KLHL13: variants seen among roughly 807,000 people sequenced by gnomAD.
The protein encoded by KLHL13 is kelch like family member 13.
KLHL13 carries 10 observed loss-of-function variants against 37.1 expected under a neutral mutation model. That is an observed-to-expected ratio of 0.27 (90% CI 0.17 to 0.46). The LOEUF is 0.46. KLHL13 is among the 20% of genes least tolerant of loss of function. The pLI is 1.00. For missense variants in KLHL13, 360 were observed against 509.3 expected (o/e 0.71, Z 2.82); for synonymous variants, 163 against 181.2 (o/e 0.90, Z 0.81).
rs139958434 is a variant in KLHL13 at position 118,096,527 on chromosome X, C to G, written c.-56+19981G>C. Among the ~76,000 whole-genome samples the G allele has an allele frequency of 9.0e-5, 10 of 111,103 alleles. No homozygotes were observed. In the Admixed American group the frequency reaches 9.6e-4, roughly 11 times the overall value. On this transcript the variant is annotated intron_variant, in intron 1 of 6. Transcript: ENST00000371882. ...AAGGAGGAGCTGGTACCATTCCTTC[C>G]GAAACTATTCCAATCAATAGAAAAA...
chrX:118,029,721 C>A (rs544282289), intron 1 of KLHL13, among the ~76,000 whole-genome samples: 3 of 111,885 alleles, frequency 2.7e-5, no homozygotes, highest in Non-Finnish European at 5.6e-5. Flanking sequence ...ATAATCCCAG[C>A]ACTTTGGGAT....
intron 1 of KLHL13, among the ~76,000 whole-genome samples, chrX:118,080,048 T>A (rs897612155): frequency 9.0e-6 from 1 of 111,578 alleles, no homozygotes. Context: ...CCCTATTCAA[T>A]AAATGGTGCT....
At chrX:118,062,919 C>G (rs935380849) in intron 1 of KLHL13, among the ~76,000 whole-genome samples, 3 of 110,916 alleles carry the variant, frequency 2.7e-5, no homozygotes, top group Non-Finnish European at 5.7e-5. Context: ...GACTAAACAG[C>G]AAACAGAACT....
chrX:117,916,123 A>T (rs1281718947), intron 4 of KLHL13, among the ~76,000 whole-genome samples: 1 of 110,327 alleles, frequency 9.1e-6, no homozygotes, highest in Non-Finnish European at 1.9e-5. Flanking sequence ...CTGCCATTGC[A>T]CTCCAGCCTG....
intron 1 of KLHL13, among the ~76,000 whole-genome samples, chrX:118,106,189 G>T (rs1261621627): frequency 1.8e-5 from 2 of 108,281 alleles, no homozygotes; most frequent in South Asian, 8.1e-4. Context: ...GAGCCACCGC[G>T]CCCGGCCAAG....
intron 1 of KLHL13, among the ~76,000 whole-genome samples, chrX:118,069,109 TCACACACACA>T (rs771534683): frequency 6.0e-5 from 5 of 83,999 alleles, no homozygotes; most frequent in Admixed American, 2.6e-4. Flanking sequence ...TCCAGAAGAG[TCACACACACA>T]CACACACACA....
chrX:118,032,277 C>A (rs1214200770), intron 1 of KLHL13, among the ~76,000 whole-genome samples: 2 of 112,437 alleles, frequency 1.8e-5, no homozygotes, highest in Admixed American at 9.3e-5. Flanking sequence ...CAGGCTCCAC[C>A]TCTGGGGGCA....
At chrX:117,908,929 T>C (rs748663349) in intron 5 of KLHL13, among the ~76,000 whole-genome samples, 1 of 112,266 alleles carries the variant, frequency 8.9e-6, no homozygotes, top group African/African-American at 3.2e-5. Context: ...ACCTGTTCAG[T>C]AAAATATCAT....
At chrX:118,095,967 GAGAA>G (rs1230682223) in intron 1 of KLHL13, among the ~76,000 whole-genome samples, 4 of 111,865 alleles carry the variant, frequency 3.6e-5, no homozygotes, top group Non-Finnish European at 7.5e-5. Context: ...ATGCCCAAAA[GAGAA>G]AGCAGGAAAG....
chrX:117,941,217 A>G (rs1164389157), intron 2 of KLHL13, among the ~76,000 whole-genome samples: 1 of 111,532 alleles, frequency 9.0e-6, no homozygotes, highest in Non-Finnish European at 1.9e-5. Flanking sequence ...GGTTTTTGTC[A>G]TTTGTTCTGT....
At chrX:118,081,939 A>G (rs1168354678) in intron 1 of KLHL13, among the ~76,000 whole-genome samples, 1 of 90,157 alleles carries the variant, frequency 1.1e-5, no homozygotes, top group African/African-American at 4.6e-5. Flanking sequence ...ATAGTATTCC[A>G]TTGTGTGTGT....
At chrX:118,036,740 A>G (rs2054447469) in intron 1 of KLHL13, among the ~76,000 whole-genome samples, 1 of 111,113 alleles carries the variant, frequency 9.0e-6, no homozygotes, top group Non-Finnish European at 1.9e-5. Flanking sequence ...AAAATTGACA[A>G]ATGGGATCTA....
intron 1 of KLHL13, among the ~76,000 whole-genome samples, chrX:118,111,387 T>A (rs1450659080): frequency 8.8e-6 from 1 of 113,091 alleles, no homozygotes; most frequent in Non-Finnish European, 1.9e-5. Context: ...TGCCACCACA[T>A]GAGTTTTGGC....
chrX:118,070,290 A>G (rs1179468765), intron 1 of KLHL13, among the ~76,000 whole-genome samples: 1 of 112,607 alleles, frequency 8.9e-6, no homozygotes, highest in African/African-American at 3.2e-5. Flanking sequence ...TGCACCTCAC[A>G]CGTTTTGCTA....
intron 1 of KLHL13, among the ~76,000 whole-genome samples, chrX:118,098,767 C>G (rs899871590): frequency 9.4e-6 from 1 of 105,933 alleles, no homozygotes; most frequent in African/African-American, 3.5e-5. Context: ...GAGTTCACGT[C>G]CTTTGTAGGG....
intron 1 of KLHL13, among the ~76,000 whole-genome samples, chrX:118,075,615 C>T (rs1411567945): frequency 9.0e-6 from 1 of 111,007 alleles, no homozygotes; most frequent in Non-Finnish European, 1.9e-5. Context: ...GGTGCAAGAC[C>T]TGCCATTACT....
chrX:118,079,277 AG>A (rs2054962924), intron 1 of KLHL13, among the ~76,000 whole-genome samples: 1 of 110,860 alleles, frequency 9.0e-6, no homozygotes, highest in Non-Finnish European at 1.9e-5. Context: ...AAAGATGTAT[AG>A]GAAGTCTAGC....
At chrX:118,039,425 G>A (rs754828386) in intron 1 of KLHL13, among the ~76,000 whole-genome samples, 64 of 112,123 alleles carry the variant, frequency 5.7e-4, no homozygotes, top group African/African-American at 2.0e-3. Context: ...TGAGCCTTGA[G>A]TGAACATCAC....
Position 117,972,761 on chromosome X carries a change from G to A in KLHL13, c.68C>T (p.Ser23Phe), listed in dbSNP as rs777066903. ...TGCTGGAGAAAGTGGAGTTGACCTG[G>A]ATGTTTTAAGCACAGGAACTGGGAA... The change falls in exon 1 of 7, where the codon TCC (serine) becomes TTC (phenylalanine). Residue 23 changes from serine to phenylalanine, a missense_variant. Around this residue, in one of 2 missense-constraint regions of KLHL13, gnomAD observed 194 missense variants for 225.0 expected, o/e 0.86. Transcript: ENST00000262820. 3 of 1,210,367 alleles carry A rather than the reference G, an allele frequency of 2.5e-6. No individual in the cohort carries two copies. In the Admixed American group the frequency reaches 6.5e-5, roughly 26 times the overall value.
Sources: allele counts gnomAD v4.1 joint callset (sites outside exome capture counted in the v4.1 genomes callset), GRCh38; gene constraint gnomAD v4.1.1; regional missense constraint gnomAD v4.1.1; transcripts MANE v1.5; gene names NCBI Gene and HGNC (gene_info 2026-07-23, HGNC 2026-07-21).